The following LDLRAP1 variants were observed in gnomAD, a reference collection of about 807,000 sequenced individuals.
LDLRAP1 encodes the protein low density lipoprotein receptor adaptor protein 1, also known as low density lipoprotein receptor adapter protein 1.
In LDLRAP1, 30 loss-of-function variants were observed where a neutral mutation model predicts 37.8. The ratio of observed to expected loss-of-function variants is 0.79; its 90% CI spans 0.59 to 1.08. The LOEUF (loss-of-function observed/expected upper bound fraction) is 1.08. LDLRAP1 is among the 50% of genes least tolerant of loss of function. LDLRAP1 has a pLI of 0.00. For synonymous variants in LDLRAP1, 156 were observed against 169.8 expected, an observed-to-expected ratio of 0.92 and a Z score of 0.63; for missense variants, 375 against 401.6, an observed-to-expected ratio of 0.93 and a Z score of 0.57.
chr1:25,560,544 G>T (rs1053358139), intron 4 of LDLRAP1, among the ~76,000 whole-genome samples: 2 of 152,330 alleles, frequency 1.3e-5, no homozygotes, highest in African/African-American at 4.8e-5. Flanking sequence ...TGGGCTGATG[G>T]TAAGCAAAGT....
At chr1:25,550,963 A>G (rs950323820) in intron 1 of LDLRAP1, among the ~76,000 whole-genome samples, 2 of 152,196 alleles carry the variant, frequency 1.3e-5, no homozygotes, top group Non-Finnish European at 2.9e-5. Context: ...GAAAGGGGCC[A>G]GGAAAGGGCT....
At position 25,552,294 on chromosome 1, in the gene LDLRAP1, C is replaced by G. The variant is rs138078138; in HGVS notation, c.89-1628C>G. ...ACATCCCTGCCAGAGCCTCAGCTGC[C>G]CTGGAACTAGCAATACCCAAACTTT... On this transcript the variant is annotated intron_variant, in intron 1 of 8. Transcript: ENST00000374338. 1.1e-4 allele frequency among the ~76,000 whole-genome samples: 17 copies of G among 152,324 alleles called. No homozygotes were observed. The East Asian group carries it at 3.3e-3, about 29-fold the overall frequency.
At chr1:25,580,401 G>T in the LDLRAP1 span, among the ~76,000 whole-genome samples, 3 of 152,230 alleles carry the variant, frequency 2.0e-5, no homozygotes, top group African/African-American at 7.2e-5. Flanking sequence ...TAAAAAGGGG[G>T]TTTGAATGCT....
chr1:25,563,336 A>G (rs1321814823), intron 6 of LDLRAP1, among the ~76,000 whole-genome samples, 183 bp downstream of exon 6: 1 of 152,234 alleles, frequency 6.6e-6, no homozygotes, highest in African/African-American at 2.4e-5. Context: ...GAAATAACTC[A>G]TTTTAGTACA....
the LDLRAP1 span, among the ~76,000 whole-genome samples, chr1:25,586,688 T>C: frequency 6.6e-6 from 1 of 152,208 alleles, no homozygotes; most frequent in East Asian, 1.9e-4. This position sits in a 1 kb window ranked among gnomAD's most constrained non-coding sequence, Gnocchi z 4.3. Flanking sequence ...GGTGTGTCTT[T>C]GCCCTCACTG....
At chr1:25,547,975 T>C (rs1572022620) in intron 1 of LDLRAP1, among the ~76,000 whole-genome samples, 1 of 152,100 alleles carries the variant, frequency 6.6e-6, no homozygotes, top group African/African-American at 2.4e-5. Flanking sequence ...GAGTCAGAGG[T>C]CACCCACTGC....
chr1:25,578,542 C>G, the LDLRAP1 span, among the ~76,000 whole-genome samples: 217 of 152,106 alleles, frequency 1.4e-3, 1 homozygote, highest in African/African-American at 4.7e-3. Context: ...CAAGGTCTCA[C>G]TCTGTCGCCC....
At chr1:25,585,979 C>T in the LDLRAP1 span, among the ~76,000 whole-genome samples, 359 of 152,306 alleles carry the variant, frequency 2.4e-3, 2 homozygotes, top group African/African-American at 8.4e-3. Context: ...ATAACCCACC[C>T]TCCTTGAGAG....
Position 25,555,601 on chromosome 1 carries a change from A to G in LDLRAP1, c.344+629A>G, listed in dbSNP as rs368618773. Among the ~76,000 whole-genome samples the G allele has an allele frequency of 6.6e-6, 1 of 152,134 alleles. No homozygotes were observed. The highest frequency in any genetic ancestry group is 1.5e-5 in the Non-Finnish European group (1 of 68,020). ...AGGTAGTAGCTAAACTGGAACTAGG[A>G]TATCCGGGCCAGAGCCCTGTCCAGC... On this transcript the variant is annotated intron_variant, in intron 3 of 8. Coordinates refer to ENST00000374338, the MANE Select transcript of LDLRAP1 (RefSeq NM_015627.3). The surrounding 1 kb of genome is among the most constrained non-coding windows in gnomAD (Gnocchi z 4.7).
At chr1:25,559,791 A>G (rs948626268) in intron 4 of LDLRAP1, among the ~76,000 whole-genome samples, 3 of 152,190 alleles carry the variant, frequency 2.0e-5, no homozygotes, top group East Asian at 3.9e-4. Context: ...TGGGGGAGGC[A>G]GGAGATGGAA....
chr1:25,558,552 TTCCTTA>T (rs2044265825), intron 4 of LDLRAP1, among the ~76,000 whole-genome samples: 2 of 152,092 alleles, frequency 1.3e-5, no homozygotes, highest in South Asian at 4.2e-4. Flanking sequence ...GGGAATCCAT[TTCCTTA>T]CCTTTTCTAC....
chr1:25,548,154 T>C (rs949720964), intron 1 of LDLRAP1, among the ~76,000 whole-genome samples: 2 of 152,156 alleles, frequency 1.3e-5, no homozygotes, highest in Non-Finnish European at 2.9e-5. Context: ...GGAACACTGA[T>C]CTATCCTGGA....
At chr1:25,566,488 G>A (rs753352980) in intron 8 of LDLRAP1, among the ~76,000 whole-genome samples, 3 of 152,118 alleles carry the variant, frequency 2.0e-5, no homozygotes, top group Non-Finnish European at 4.4e-5. Context: ...CACAGTTATA[G>A]CCAAAGAATC....
intron 1 of LDLRAP1, among the ~76,000 whole-genome samples, chr1:25,549,394 A>G (rs1045348390): frequency 1.3e-5 from 2 of 152,210 alleles, no homozygotes; most frequent in Non-Finnish European, 2.9e-5. Context: ...TGTTGCAGAC[A>G]CACCAGCCAG....
chr1:25,569,844 G>A (rs749178449), downstream of LDLRAP1, among the ~76,000 whole-genome samples: 14 of 152,160 alleles, frequency 9.2e-5, no homozygotes, highest in African/African-American at 1.9e-4. Context: ...TCAAGTGCTG[G>A]GCGGGGCCAC....
chr1:25,561,706 T>C (rs1228976116), intron 4 of LDLRAP1, among the ~76,000 whole-genome samples: 1 of 152,164 alleles, frequency 6.6e-6, no homozygotes, highest in Non-Finnish European at 1.5e-5. Flanking sequence ...GAATATGGGC[T>C]GGGGATAGGT....
Position 25,555,997 on chromosome 1 carries a change from T to G in LDLRAP1, c.344+1025T>G, listed in dbSNP as rs2044188663. 6.6e-6 allele frequency among the ~76,000 whole-genome samples: 1 copy of G among 151,998 alleles called. No homozygotes were observed. The highest frequency in any genetic ancestry group is 2.4e-5 in the African/African-American group (1 of 41,374). Reference sequence around the variant, plus strand: ...GGGGAGGCGGCACCTTGCTGGGGCTTGAAGAATAATAGGATCTAGTTTGTT... The same window carrying G: ...GGGGAGGCGGCACCTTGCTGGGGCTGGAAGAATAATAGGATCTAGTTTGTT... On this transcript the variant is annotated intron_variant, in intron 3 of 8. Coordinates refer to ENST00000374338, the MANE Select transcript of LDLRAP1 (RefSeq NM_015627.3). The surrounding 1 kb of genome is among the most constrained non-coding windows in gnomAD (Gnocchi z 4.7).
chr1:25,553,549 C>T (rs1050643782), intron 1 of LDLRAP1: 6 of 297,652 alleles, frequency 2.0e-5, no homozygotes, highest in Admixed American at 4.6e-5. Flanking sequence ...AAGCTTTAGC[C>T]CTTTATTAAA....
At chr1:25,588,025 G>A in the LDLRAP1 span, among the ~76,000 whole-genome samples, 7 of 152,188 alleles carry the variant, frequency 4.6e-5, no homozygotes, top group Non-Finnish European at 5.9e-5. Context: ...TCAACTCAGG[G>A]TTAAATGGAT....
Sources: gnomAD v4.1 joint callset for allele counts (sites outside exome capture counted in the v4.1 genomes callset) on GRCh38, gnomAD v4.1.1 for gene constraint, Gnocchi (gnomAD v3.1) non-coding constraint, MANE v1.5 for transcripts, NCBI Gene and HGNC (gene_info 2026-07-23, HGNC 2026-07-21) for gene names.